Variants in TRPS1 observed in about 807,000 individuals in gnomAD.
TRPS1 encodes the protein zinc finger transcription factor Trps1.
A neutral mutation model predicts 101.2 loss-of-function variants in TRPS1; 6 were observed. The ratio of observed to expected loss-of-function variants is 0.06; its 90% CI spans 0.03 to 0.12. The LOEUF (loss-of-function observed/expected upper bound fraction) is 0.12. Ranked by LOEUF, TRPS1 falls within the 10% of genes least tolerant of loss-of-function variation. The pLI is 1.00. For missense variants in TRPS1, 1,363 were observed against 1,567.0 expected (o/e 0.87, Z 2.20); for synonymous variants, 578 against 589.8 (o/e 0.98, Z 0.29).
At chr8:115,462,845 C>T (rs1427379723) in intron 5 of TRPS1, among the ~76,000 whole-genome samples, 1 of 151,984 alleles carries the variant, frequency 6.6e-6, no homozygotes, top group African/African-American at 2.4e-5. Context: ...TACTAAGCAC[C>T]AGTCAATGTT....
At chr8:115,454,145 G>A (rs893277760) in intron 5 of TRPS1, among the ~76,000 whole-genome samples, 1 of 152,156 alleles carries the variant, frequency 6.6e-6, no homozygotes, top group Non-Finnish European at 1.5e-5. Context: ...TACAGTGTAT[G>A]TGCACATTTA....
chr8:115,425,806 C>T (rs1022943398), intron 5 of TRPS1, among the ~76,000 whole-genome samples: 2 of 152,130 alleles, frequency 1.3e-5, no homozygotes, highest in African/African-American at 2.4e-5. Context: ...TTTAACTAAC[C>T]CCATATTTGG....
Position 115,545,443 on chromosome 8 carries a change from A to T in TRPS1, c.2700+41558T>A, listed in dbSNP as rs73373237. On this transcript the variant is annotated intron_variant, in intron 5 of 6. Transcript: ENST00000395715. Reference sequence around the variant, plus strand: ...AATATTCTCTCTAATTCCTATCTAGATAATTCATATCCCTTCTTCACTATG... The same window carrying T: ...AATATTCTCTCTAATTCCTATCTAGTTAATTCATATCCCTTCTTCACTATG... Among the ~76,000 whole-genome samples the T allele has an allele frequency of 9.4e-3, 1,436 of 152,256 alleles. 17 individuals are homozygous for T. The highest frequency in any genetic ancestry group is 0.033 in the African/African-American group (1,355 of 41,546).
chr8:115,533,093 T>C (rs1816174429), intron 5 of TRPS1, among the ~76,000 whole-genome samples: 1 of 152,178 alleles, frequency 6.6e-6, no homozygotes, highest in South Asian at 2.1e-4. Context: ...GCACTTTAAC[T>C]TCTATAGGAT....
At chr8:115,499,553 T>G (rs1815249219) in intron 5 of TRPS1, among the ~76,000 whole-genome samples, 1 of 152,068 alleles carries the variant, frequency 6.6e-6, no homozygotes, top group Admixed American at 6.6e-5. Context: ...CTTTTACAGA[T>G]CAGATTTTAC....
At chr8:115,431,006 T>A (rs1813306007) in intron 5 of TRPS1, among the ~76,000 whole-genome samples, 1 of 152,038 alleles carries the variant, frequency 6.6e-6, no homozygotes, top group African/African-American at 2.4e-5. Context: ...AATTATTTAC[T>A]TTAGTAGGAG....
chr8:115,596,206 C>A (rs1035218002), intron 4 of TRPS1, among the ~76,000 whole-genome samples: 1 of 151,908 alleles, frequency 6.6e-6, no homozygotes, highest in Admixed American at 6.6e-5. Context: ...ATCGCATACA[C>A]TACCAAAATA....
At chr8:115,659,490 AT>A (rs1347033495) in intron 1 of TRPS1, among the ~76,000 whole-genome samples, 1 of 151,888 alleles carries the variant, frequency 6.6e-6, no homozygotes, top group Non-Finnish European at 1.5e-5. Context: ...AAAATAATCG[AT>A]AAAGAATTAT....
chr8:115,484,684 C>T (rs1417733279), intron 5 of TRPS1, among the ~76,000 whole-genome samples: 1 of 152,096 alleles, frequency 6.6e-6, no homozygotes, highest in Non-Finnish European at 1.5e-5. Context: ...ATGTGATGTC[C>T]TACAATGCTA....
At chr8:115,547,492 AT>A (rs1224419529) in intron 5 of TRPS1, among the ~76,000 whole-genome samples, 1 of 152,156 alleles carries the variant, frequency 6.6e-6, no homozygotes, top group African/African-American at 2.4e-5. Context: ...TAGAGCTAGG[AT>A]TTTAAGCAAG....
At chr8:115,602,541 T>C (rs1817931968) in intron 4 of TRPS1, among the ~76,000 whole-genome samples, 1 of 152,170 alleles carries the variant, frequency 6.6e-6, no homozygotes, top group African/African-American at 2.4e-5. Context: ...TTTCTGAACA[T>C]TTTGATTCAC....
At chr8:115,645,667 A>G (rs981453296) in intron 1 of TRPS1, among the ~76,000 whole-genome samples, 14 of 152,228 alleles carry the variant, frequency 9.2e-5, no homozygotes, top group African/African-American at 1.2e-4. Flanking sequence ...TCAAAAAGTC[A>G]TATTTTTTAA....
At chr8:115,565,432 T>C (rs1033063070) in intron 5 of TRPS1, among the ~76,000 whole-genome samples, 1 of 151,986 alleles carries the variant, frequency 6.6e-6, no homozygotes, top group Non-Finnish European at 1.5e-5. Flanking sequence ...ATGAATTAGA[T>C]AAATGTAATA....
Position 115,414,820 on chromosome 8 carries a change from G to C in TRPS1, c.3088C>G (p.Gln1030Glu). ...QGSLTKSHSA[Q>E]QPVLVSQTLD... ...GTTTGGCTGACCAGGACTGGCTGCT[G>C]AGCAGAATGGCTTTTAGTCAATGAA... Residue 1030 changes from glutamine to glutamate, a missense_variant, in exon 7 of 7, where the codon CAG becomes GAG. Physicochemically the swap from Gln to Glu is conservative, Grantham distance 29. Around this residue, in one of 5 missense-constraint regions of TRPS1, gnomAD observed 307 missense variants for 392.4 expected, o/e 0.78. Coordinates refer to ENST00000395715, the MANE Select transcript of TRPS1 (RefSeq NM_014112.5). This position sits in a 1 kb window ranked among gnomAD's most constrained non-coding sequence, Gnocchi z 4.8. 6.2e-7 allele frequency: 1 copy of C among 1,613,984 alleles called. No homozygotes were observed. The highest frequency in any genetic ancestry group is 8.5e-7 in the Non-Finnish European group (1 of 1,179,946).
intron 5 of TRPS1, among the ~76,000 whole-genome samples, chr8:115,567,499 T>C (rs959865358): frequency 3.9e-5 from 6 of 152,116 alleles, no homozygotes; most frequent in African/African-American, 9.7e-5. Context: ...CTTTGCCAAA[T>C]TGATACCTCT....
At chr8:115,576,942 A>G (rs902918279) in intron 5 of TRPS1, among the ~76,000 whole-genome samples, 2 of 152,128 alleles carry the variant, frequency 1.3e-5, no homozygotes, top group East Asian at 3.9e-4. Flanking sequence ...AAAACATCCA[A>G]CCTTCTTAGA....
At chr8:115,658,036 G>A (rs2130622707) in intron 1 of TRPS1, among the ~76,000 whole-genome samples, 1 of 151,670 alleles carries the variant, frequency 6.6e-6, no homozygotes, top group South Asian at 2.1e-4. Context: ...GTAGGAAGTT[G>A]AAAAAAAGAA....
At chr8:115,447,905 GA>G (rs1278300076) in intron 5 of TRPS1, among the ~76,000 whole-genome samples, 1 of 151,986 alleles carries the variant, frequency 6.6e-6, no homozygotes, top group Non-Finnish European at 1.5e-5. Context: ...AAATAGAAAT[GA>G]AAATGTCTCA....
At chr8:115,519,012 C>CAGT (rs1479062413) in intron 5 of TRPS1, among the ~76,000 whole-genome samples, 1 of 151,660 alleles carries the variant, frequency 6.6e-6, no homozygotes, top group East Asian at 1.9e-4. Flanking sequence ...AATATATGTG[C>CAGT]AGTAGTTACA....
Sources: gnomAD v4.1 joint callset for allele counts (sites outside exome capture counted in the v4.1 genomes callset) on GRCh38, gnomAD v4.1.1 for gene constraint, gnomAD v4.1.1 regional missense constraint, Gnocchi (gnomAD v3.1) non-coding constraint, MANE v1.5 for transcripts, NCBI Gene and HGNC (gene_info 2026-07-23, HGNC 2026-07-21) for gene names.